FHIT: variants seen among roughly 807,000 people sequenced by gnomAD.
FHIT encodes bis(5'-adenosyl)-triphosphatase.
In FHIT, 19 loss-of-function variants were observed where a neutral mutation model predicts 17.9. That is an observed-to-expected ratio of 1.06 (90% CI 0.74 to 1.56). FHIT has a LOEUF of 1.56. Among genes scored for constraint, FHIT ranks in the 40% most tolerant of loss-of-function variants. The pLI, the probability that FHIT is intolerant of heterozygous loss-of-function variation, is 0.00. For missense variants in FHIT, 248 were observed against 189.2 expected (o/e 1.31, Z -1.82); for synonymous variants, 81 against 69.7 (o/e 1.16, Z -0.81).
chr3:60,123,501 T>C (rs1056382328), intron 5 of FHIT, among the ~76,000 whole-genome samples: 4 of 152,166 alleles, frequency 2.6e-5, no homozygotes, highest in African/African-American at 9.7e-5. Flanking sequence ...AGGCTGTTCC[T>C]TAAGGAGAAA....
intron 5 of FHIT, among the ~76,000 whole-genome samples, chr3:60,104,521 TAGAAAG>T (rs951668681): frequency 6.7e-5 from 10 of 148,852 alleles, no homozygotes; most frequent in Admixed American, 6.1e-4. Flanking sequence ...GCTTATAGAA[TAGAAAG>T]AGAAAGAGGG....
chr3:60,894,071 T>C (rs1705656346), intron 3 of FHIT, among the ~76,000 whole-genome samples: 1 of 152,220 alleles, frequency 6.6e-6, no homozygotes, highest in African/African-American at 2.4e-5. Flanking sequence ...TCATCCTCAC[T>C]AACTACATCA....
chr3:61,074,692 T>A (rs1048389871), intron 2 of FHIT, among the ~76,000 whole-genome samples: 3 of 152,284 alleles, frequency 2.0e-5, no homozygotes, highest in African/African-American at 4.8e-5. Flanking sequence ...TTCTTAATAG[T>A]ATTGTTATTT....
At chr3:61,043,738 G>A (rs1426827341) in intron 2 of FHIT, among the ~76,000 whole-genome samples, 2 of 152,198 alleles carry the variant, frequency 1.3e-5, no homozygotes, top group Admixed American at 6.5e-5. Flanking sequence ...AGTAGGGGCC[G>A]ACTGACACCT....
intron 4 of FHIT, among the ~76,000 whole-genome samples, chr3:60,770,995 G>A (rs568426509): frequency 3.3e-5 from 5 of 152,282 alleles, no homozygotes; most frequent in African/African-American, 1.2e-4. Flanking sequence ...TCTCTCTCAG[G>A]AAAGTCTAAT....
chr3:60,013,354 C>G (rs1267770195), intron 6 of FHIT, among the ~76,000 whole-genome samples: 2 of 152,126 alleles, frequency 1.3e-5, no homozygotes, highest in Non-Finnish European at 2.9e-5. Flanking sequence ...ACATTGATAC[C>G]CCAGCCCTTT....
intron 4 of FHIT, among the ~76,000 whole-genome samples, chr3:60,613,454 G>C (rs781890740): frequency 6.6e-6 from 1 of 152,166 alleles, no homozygotes; most frequent in South Asian, 2.1e-4. Flanking sequence ...GATACAAAGT[G>C]AGTGAAGCTC....
intron 5 of FHIT, among the ~76,000 whole-genome samples, chr3:60,334,473 G>T (rs146102306): frequency 5.6e-4 from 85 of 152,276 alleles, no homozygotes; most frequent in African/African-American, 2.0e-3. Context: ...CAGTACTTGG[G>T]TTGAGTGTCT....
At chr3:60,203,426 T>C (rs1047394991) in intron 5 of FHIT, among the ~76,000 whole-genome samples, 2 of 152,220 alleles carry the variant, frequency 1.3e-5, no homozygotes. Flanking sequence ...CCAGTATTCA[T>C]TCCCAGGAAA....
intron 4 of FHIT, among the ~76,000 whole-genome samples, chr3:60,561,464 T>C (rs1228339686): frequency 6.6e-6 from 1 of 151,500 alleles, no homozygotes; most frequent in Non-Finnish European, 1.5e-5. Context: ...AGCCATTTTT[T>C]TCCCAGCCTC....
chr3:59,899,925 T>C (rs1704249687), intron 8 of FHIT, among the ~76,000 whole-genome samples: 1 of 152,184 alleles, frequency 6.6e-6, no homozygotes, highest in African/African-American at 2.4e-5. Flanking sequence ...ACGTTTTCTA[T>C]AAAGGTCCAG....
rs575664669 is a variant in FHIT, at chr3:60,089,731, A to G, written c.104-75579T>C. ...CTGGGAAATCCAAGATCAAGGTCCT[A>G]GCATCTTGTTTCTGATGAGGGTAGT... On this transcript the variant is annotated intron_variant, in intron 5 of 9. Coordinates refer to ENST00000492590, the MANE Select transcript of FHIT (RefSeq NM_002012.4). 7.2e-5 allele frequency among the ~76,000 whole-genome samples: 11 copies of G among 152,310 alleles called. No individual in the cohort carries two copies. In the South Asian group the frequency reaches 2.3e-3, roughly 32 times the overall value.
chr3:59,799,686 A>C (rs1176661575), intron 8 of FHIT, among the ~76,000 whole-genome samples: 3 of 152,184 alleles, frequency 2.0e-5, no homozygotes, highest in African/African-American at 7.2e-5. Context: ...CATTTATTTC[A>C]TTTAGTTGGT....
At chr3:60,699,700 TA>T (rs56396940) in intron 4 of FHIT, among the ~76,000 whole-genome samples, 1 of 141,244 alleles carries the variant, frequency 7.1e-6, no homozygotes, top group South Asian at 2.2e-4. Context: ...AAAAAAAAAT[TA>T]AAAAAAAAAG....
chr3:61,016,066 G>T (rs1259346895), intron 3 of FHIT, among the ~76,000 whole-genome samples: 2 of 152,140 alleles, frequency 1.3e-5, no homozygotes, highest in South Asian at 2.1e-4. Flanking sequence ...ATGTGTACAG[G>T]CCACTTCCTA....
intron 5 of FHIT, among the ~76,000 whole-genome samples, chr3:60,031,308 G>T (rs996453087): frequency 6.6e-6 from 1 of 152,194 alleles, no homozygotes; most frequent in Non-Finnish European, 1.5e-5. Context: ...TCACAAAAGA[G>T]ATCAGTATGG....
At chr3:60,230,995 C>G (rs1223792960) in intron 5 of FHIT, among the ~76,000 whole-genome samples, 1 of 152,126 alleles carries the variant, frequency 6.6e-6, no homozygotes, top group Non-Finnish European at 1.5e-5. Context: ...CGTGAGCCAC[C>G]ACTCCTGGCC....
At chr3:60,117,635 AC>A (rs1312937732) in intron 5 of FHIT, among the ~76,000 whole-genome samples, 1 of 152,084 alleles carries the variant, frequency 6.6e-6, no homozygotes, top group Admixed American at 6.6e-5. Context: ...TTTTTATTAA[AC>A]TTGTAACAAA....
At chr3:60,395,918 T>C (rs1002752134) in intron 5 of FHIT, among the ~76,000 whole-genome samples, 5 of 152,144 alleles carry the variant, frequency 3.3e-5, no homozygotes, top group African/African-American at 1.2e-4. Flanking sequence ...ATTCCATCCT[T>C]AAAAAGACAC....
Sources: gnomAD v4.1 joint callset for allele counts (sites outside exome capture counted in the v4.1 genomes callset) on GRCh38, gnomAD v4.1.1 for gene constraint, MANE v1.5 for transcripts, NCBI Gene and HGNC (gene_info 2026-07-23, HGNC 2026-07-21) for gene names.